Variants in PRIMA1 observed in about 807,000 individuals in gnomAD.
PRIMA1 encodes the protein proline rich membrane anchor 1.
Under a neutral mutation model 17.5 loss-of-function variants are expected in PRIMA1, and 7 were observed. The observed-to-expected ratio is 0.40, with a 90% CI of 0.23 to 0.75. The LOEUF (loss-of-function observed/expected upper bound fraction) is 0.75. Ranked by LOEUF, PRIMA1 falls within the 30% of genes least tolerant of loss-of-function variation. The pLI is 0.37. For missense variants in PRIMA1, 200 were observed against 201.8 expected (o/e 0.99, Z 0.05); for synonymous variants, 97 against 77.9 (o/e 1.25, Z -1.29).
intron 3 of PRIMA1, among the ~76,000 whole-genome samples, chr14:93,740,092 TAAAA>T (rs1442913001): frequency 6.6e-6 from 1 of 150,482 alleles, no homozygotes; most frequent in Non-Finnish European, 1.5e-5. Flanking sequence ...TAAAATAAAA[TAAAA>T]AGAAAGAAAT....
intron 3 of PRIMA1, among the ~76,000 whole-genome samples, chr14:93,769,628 G>A (rs1382145691): frequency 6.6e-6 from 1 of 152,190 alleles, no homozygotes; most frequent in Non-Finnish European, 1.5e-5. Context: ...GGAGCCTGTC[G>A]CCTGCAGGGA....
intron 2 of PRIMA1, among the ~76,000 whole-genome samples, chr14:93,787,001 T>G (rs1595231358): frequency 6.6e-6 from 1 of 150,836 alleles, no homozygotes; most frequent in Admixed American, 6.6e-5. Context: ...CTCTCCACTG[T>G]ACCAGTGACG....
chr14:93,759,635 C>G (rs945044244), intron 3 of PRIMA1, among the ~76,000 whole-genome samples: 2 of 152,076 alleles, frequency 1.3e-5, no homozygotes, highest in African/African-American at 4.8e-5. Flanking sequence ...GGAGAAAGAA[C>G]ACCTATGATG....
At chr14:93,784,841 A>C (rs1437229541) in intron 2 of PRIMA1, among the ~76,000 whole-genome samples, 1 of 152,140 alleles carries the variant, frequency 6.6e-6, no homozygotes, top group Non-Finnish European at 1.5e-5. Context: ...ACATTGCCAA[A>C]CTATCAGTGC....
chr14:93,788,061 C>A (rs1440293502), intron 1 of PRIMA1, among the ~76,000 whole-genome samples: 1 of 152,172 alleles, frequency 6.6e-6, no homozygotes, highest in Non-Finnish European at 1.5e-5. Flanking sequence ...ACTTACTGCG[C>A]CCCATTAACC....
chr14:93,756,741 C>T (rs1295338524), intron 3 of PRIMA1, among the ~76,000 whole-genome samples: 2 of 152,144 alleles, frequency 1.3e-5, no homozygotes, highest in African/African-American at 4.8e-5. Context: ...CTGTCCAAAA[C>T]CAACCTTCAT....
rs1389266953 is a variant in PRIMA1, at chr14:93,721,559, G to C, written c.360-13C>G. ...TCTCAGTGGTTTCCTGGAAGTGGGG[G>C]GAGGGGACAGGAAAGGCAAAGGAGG... On this transcript the variant is annotated splice_polypyrimidine_tract_variant and intron_variant, in intron 4 of 4. Coordinates refer to ENST00000393140, the MANE Select transcript of PRIMA1 (RefSeq NM_178013.4). The C allele has an allele frequency of 2.5e-6, 4 of 1,571,586 alleles. No individual in the cohort carries two copies. Among genetic ancestry groups the C allele is most frequent in the Non-Finnish European group, 3.5e-6 (4 of 1,142,306 alleles).
chr14:93,750,048 G>A (rs1244758584), intron 3 of PRIMA1, among the ~76,000 whole-genome samples: 2 of 152,168 alleles, frequency 1.3e-5, no homozygotes, highest in East Asian at 3.8e-4. Flanking sequence ...CAGGTATGGT[G>A]GCACATGCCT....
intron 4 of PRIMA1, among the ~76,000 whole-genome samples, chr14:93,735,956 C>T (rs561909739): frequency 2.6e-5 from 4 of 152,214 alleles, no homozygotes; most frequent in South Asian, 4.1e-4. Flanking sequence ...CCCAAAATGC[C>T]GGGATTACAG....
chr14:93,742,326 G>A (rs916281259), intron 3 of PRIMA1, among the ~76,000 whole-genome samples: 2 of 152,198 alleles, frequency 1.3e-5, no homozygotes, highest in African/African-American at 4.8e-5. Context: ...CCATAAGTTG[G>A]AGAGATTCAG....
chr14:93,752,228 G>T (rs1046233843), intron 3 of PRIMA1, among the ~76,000 whole-genome samples: 4 of 152,148 alleles, frequency 2.6e-5, no homozygotes, highest in Non-Finnish European at 5.9e-5. Flanking sequence ...CCTCAAACAG[G>T]CAAGGCAGGT....
At chr14:93,749,126 T>C (rs2076245112) in intron 3 of PRIMA1, among the ~76,000 whole-genome samples, 1 of 152,144 alleles carries the variant, frequency 6.6e-6, no homozygotes, top group African/African-American at 2.4e-5. Context: ...ATTCCACCCT[T>C]TTTCTGTCCT....
chr14:93,764,178 C>A (rs1012785740), intron 3 of PRIMA1, among the ~76,000 whole-genome samples: 27 of 152,168 alleles, frequency 1.8e-4, no homozygotes, highest in African/African-American at 6.3e-4. Flanking sequence ...GGCTGCCGGG[C>A]TTGGCCCGCC....
At chr14:93,741,855 C>G (rs2076186310) in intron 3 of PRIMA1, among the ~76,000 whole-genome samples, 1 of 152,082 alleles carries the variant, frequency 6.6e-6, no homozygotes, top group Non-Finnish European at 1.5e-5. Flanking sequence ...TCTGCAAACA[C>G]AACAGAAAGG....
intron 3 of PRIMA1, among the ~76,000 whole-genome samples, chr14:93,778,110 C>T (rs1885274346): frequency 6.6e-6 from 1 of 152,216 alleles, no homozygotes; most frequent in Non-Finnish European, 1.5e-5. Context: ...CTGTAACTTG[C>T]ATTTGAATCA....
At chr14:93,779,946 C>G (rs1885331748) in intron 2 of PRIMA1, among the ~76,000 whole-genome samples, 1 of 152,222 alleles carries the variant, frequency 6.6e-6, no homozygotes, top group Non-Finnish European at 1.5e-5. Flanking sequence ...GGGCACCCCT[C>G]CAAACCACCT....
In PRIMA1 at chr14:93,742,616, C is replaced by T. The variant is rs1378771761; in HGVS notation, c.230-5246G>A. On this transcript the variant is annotated intron_variant, in intron 3 of 4. Transcript: ENST00000393140. ...CCTTGGGCAGGGTAGGGGAGGTGGA[C>T]GTGTGGACCCACCCAAGGTCCAATG... 3.9e-5 allele frequency among the ~76,000 whole-genome samples: 6 copies of T among 152,124 alleles called. No homozygotes were observed. The East Asian group carries it at 5.8e-4, about 15-fold the overall frequency.
chr14:93,723,129 C>T (rs1566961689), intron 4 of PRIMA1, among the ~76,000 whole-genome samples: 1 of 152,078 alleles, frequency 6.6e-6, no homozygotes, highest in East Asian at 1.9e-4. Context: ...CTGTATCCTC[C>T]TGGTCTAAGC....
At chr14:93,737,476 AC>A (rs1309990719) in intron 3 of PRIMA1, 106 bp from the exon 4 acceptor site, 1 of 1,350,118 alleles carries the variant, frequency 7.4e-7, no homozygotes, top group Admixed American at 2.1e-5. Context: ...TGGGGAGGTC[AC>A]TGGTGGGACC....
Sources: gnomAD v4.1 joint callset for allele counts (sites outside exome capture counted in the v4.1 genomes callset) on GRCh38, gnomAD v4.1.1 for gene constraint, MANE v1.5 for transcripts, NCBI Gene and HGNC (gene_info 2026-07-23, HGNC 2026-07-21) for gene names.